The following RAB11FIP3 variants were observed in gnomAD, a reference collection of about 807,000 sequenced individuals.
RAB11FIP3 encodes the protein RAB11 family interacting protein 3, also known as rab11 family-interacting protein 3.
A neutral mutation model predicts 77.8 loss-of-function variants in RAB11FIP3; 17 were observed. The ratio of observed to expected loss-of-function variants is 0.22; its 90% CI spans 0.15 to 0.33. The LOEUF (loss-of-function observed/expected upper bound fraction) is 0.33. Among genes scored for constraint, RAB11FIP3 ranks in the 10% least tolerant of loss-of-function variants. RAB11FIP3 has a pLI of 1.00. For synonymous variants in RAB11FIP3, 437 were observed against 448.2 expected (o/e 0.98, Z 0.31); for missense variants, 1,005 against 1,011.2 (o/e 0.99, Z 0.08).
chr16:496,729 C>T (rs1048389907), intron 5 of RAB11FIP3, 95 bp from the exon 6 acceptor site: 31 of 1,292,158 alleles, frequency 2.4e-5, no homozygotes, highest in Non-Finnish European at 3.4e-5. Flanking sequence ...TGAAAGGCCG[C>T]CCACCTCGTA....
rs775298981 is a variant in RAB11FIP3 at position 432,587 on chromosome 16, G to GTT, written c.714+5882_714+5883dup. Among the ~76,000 whole-genome samples, 430 of 110,904 alleles carry GTT rather than the reference G, an allele frequency of 3.9e-3. 6 individuals are homozygous for GTT. The highest frequency in any genetic ancestry group is 8.5e-3 in the South Asian group (33 of 3,882). 72.8% of individuals were successfully genotyped at this position (110,904 alleles called of 152,430 possible). A position where few individuals can be genotyped will look rare whatever the true frequency, so the allele number is the denominator to read the frequency against. On this transcript the variant is annotated intron_variant, in intron 1 of 13. Coordinates refer to ENST00000262305, the MANE Select transcript of RAB11FIP3 (RefSeq NM_014700.4). ...TGCTTTGAATCTGCTTTTTGACCTG[G>GTT]TTTTTTTTTTTTTTTTGTGTGTGTG...
intron 2 of RAB11FIP3, among the ~76,000 whole-genome samples, chr16:467,500 G>T (rs2055724150): frequency 6.9e-6 from 1 of 145,516 alleles, no homozygotes; most frequent in Non-Finnish European, 1.5e-5. Flanking sequence ...GGAGGTGCAG[G>T]GGCGTCAGGG....
chr16:494,621 TA>T (rs1360877907), intron 5 of RAB11FIP3, among the ~76,000 whole-genome samples: 57 of 145,954 alleles, frequency 3.9e-4, no homozygotes, highest in Admixed American at 2.3e-3. Flanking sequence ...GACTCCATCT[TA>T]AAAAAAAAAA....
intron 5 of RAB11FIP3, among the ~76,000 whole-genome samples, chr16:494,633 C>T (rs1172481810): frequency 6.6e-6 from 1 of 151,690 alleles, no homozygotes; most frequent in African/African-American, 2.4e-5. Flanking sequence ...AAAAAAAAAA[C>T]CTGTATTAAA....
chr16:482,292 G>A (rs1047295102), intron 3 of RAB11FIP3: 12 of 676,224 alleles, frequency 1.8e-5, no homozygotes, highest in African/African-American at 1.1e-4. Context: ...CTGGGTTCAA[G>A]CGATCCACCC....
At chr16:497,659 G>A (rs976650333) in intron 6 of RAB11FIP3, among the ~76,000 whole-genome samples, 2 of 152,100 alleles carry the variant, frequency 1.3e-5, no homozygotes, top group African/African-American at 2.4e-5. Flanking sequence ...CCTTTGTTTC[G>A]GGGGTTGGAT....
chr16:519,103 A>C, intron 10 of RAB11FIP3, 79 bp downstream of exon 10: 1 of 1,443,154 alleles, frequency 6.9e-7, no homozygotes, highest in Non-Finnish European at 9.7e-7. Flanking sequence ...GGTAGCCCTG[A>C]GCTCTGTGCT....
In RAB11FIP3 at chr16:475,862, TAA is replaced by T. The variant is rs1442147170; in HGVS notation, c.903+4475_903+4476del. Among the ~76,000 whole-genome samples, 1,503 of 151,876 alleles carry T rather than the reference TAA, an allele frequency of 9.9e-3. 31 individuals are homozygous for T. The highest frequency in any genetic ancestry group is 0.034 in the African/African-American group (1,418 of 41,156). On this transcript the variant is annotated intron_variant, in intron 3 of 13. Transcript: ENST00000262305. ...CCGGCTTACTTTATTTTTTATTTTTTAAATTGTTTTTTGAGATGGAGTCTCAC... is the reference window on the plus strand; with the variant it reads ...CCGGCTTACTTTATTTTTTATTTTTTATTGTTTTTTGAGATGGAGTCTCAC...
In RAB11FIP3 at chr16:426,187, G is replaced by T; in HGVS notation, c.181G>T (p.Gly61Trp). 2 of 1,016,306 alleles carry T rather than the reference G, an allele frequency of 2.0e-6. No homozygotes were observed. Among genetic ancestry groups the T allele is most frequent in the Non-Finnish European group, 2.3e-6 (2 of 852,162 alleles). The allele number at this position is 1,016,306 out of a possible 1,614,324, so 63.0% of individuals were successfully genotyped here. ...CCCGGGCCTGGATGAGCCTGCGCCC[G>T]GGGCCGCTGCAGATGGCGGGGCGCG... Reference protein sequence around the residue: ...QSPGLDEPAPGAAADGGARWS... With the variant: ...QSPGLDEPAPWAAADGGARWS... The change falls in exon 1 of 14, where the codon GGG (glycine) becomes TGG (tryptophan). Residue 61 changes from glycine to tryptophan, a missense_variant. Gly to Trp is a radical substitution (Grantham distance 184). This residue lies in a region of RAB11FIP3 where 466 missense variants were observed against 408.3 expected (regional missense o/e 1.14). Transcript: ENST00000262305. This position sits in a 1 kb window ranked among gnomAD's most constrained non-coding sequence, Gnocchi z 5.0.
At chr16:455,443 C>T (rs2055486780) in intron 1 of RAB11FIP3, among the ~76,000 whole-genome samples, 2 of 149,374 alleles carry the variant, frequency 1.3e-5, no homozygotes, top group Admixed American at 1.3e-4. Flanking sequence ...CACTGCACTC[C>T]AGCCTGGGTA....
intron 1 of RAB11FIP3, among the ~76,000 whole-genome samples, chr16:446,641 C>T (rs776945361): frequency 3.3e-5 from 5 of 152,194 alleles, no homozygotes; most frequent in African/African-American, 7.2e-5. Context: ...TTTCCAAGCA[C>T]ACTTCAGTGT....
intron 11 of RAB11FIP3, 81 bp from the exon 12 acceptor site, chr16:520,040 CT>C: frequency 6.5e-7 from 1 of 1,534,214 alleles, no homozygotes; most frequent in Non-Finnish European, 8.8e-7. Flanking sequence ...CAGATCAACC[CT>C]GAGGTTCTAC....
At chr16:495,876 G>A (rs879374427) in intron 5 of RAB11FIP3, among the ~76,000 whole-genome samples, 17 of 152,090 alleles carry the variant, frequency 1.1e-4, no homozygotes, top group South Asian at 4.1e-4. Flanking sequence ...CCAGCCTCCC[G>A]AGTAGCTGGG....
chr16:482,773 G>A (rs2056072728), intron 4 of RAB11FIP3, 37 bp downstream of exon 4: 2 of 1,550,144 alleles, frequency 1.3e-6, no homozygotes, highest in Non-Finnish European at 1.7e-6. Context: ...GAGAGGCCTT[G>A]GGATGTGGCA....
chr16:484,042 T>C (rs904689797), intron 4 of RAB11FIP3, among the ~76,000 whole-genome samples: 4 of 152,168 alleles, frequency 2.6e-5, no homozygotes, highest in African/African-American at 9.7e-5. Context: ...CATCACGGGC[T>C]GTTAGTCACT....
At chr16:468,367 CG>C (rs2055754911) in intron 2 of RAB11FIP3, among the ~76,000 whole-genome samples, 1 of 149,284 alleles carries the variant, frequency 6.7e-6, no homozygotes, top group African/African-American at 2.5e-5. Flanking sequence ...TCTGGGGCTG[CG>C]GGGTCTGCTT....
At chr16:444,842 C>T (rs541249357) in intron 1 of RAB11FIP3, among the ~76,000 whole-genome samples, 5 of 151,912 alleles carry the variant, frequency 3.3e-5, no homozygotes, top group South Asian at 2.1e-4. Flanking sequence ...GAGCCTGGTG[C>T]GGTGGCTCAC....
At chr16:450,031 C>T (rs76117827) in intron 1 of RAB11FIP3, among the ~76,000 whole-genome samples, 3,465 of 152,294 alleles carry the variant, frequency 0.023, 117 homozygotes, top group African/African-American at 0.077. Context: ...TGCCCACACT[C>T]AAGAGAGGGG....
At chr16:437,977 T>G (rs1359959244) in intron 1 of RAB11FIP3, among the ~76,000 whole-genome samples, 1 of 152,072 alleles carries the variant, frequency 6.6e-6, no homozygotes, top group Admixed American at 6.6e-5. Flanking sequence ...ACCTGCTTAA[T>G]TTTTATATTT....
Sources: gnomAD v4.1 joint callset for allele counts (sites outside exome capture counted in the v4.1 genomes callset) on GRCh38, gnomAD v4.1.1 for gene constraint, gnomAD v4.1.1 regional missense constraint, Gnocchi (gnomAD v3.1) non-coding constraint, MANE v1.5 for transcripts, NCBI Gene and HGNC (gene_info 2026-07-23, HGNC 2026-07-21) for gene names.